The following CNTN5 variants were observed in gnomAD, a reference collection of about 807,000 sequenced individuals.
CNTN5 encodes contactin 5.
Under a neutral mutation model 129.1 loss-of-function variants are expected in CNTN5, and 77 were observed. The ratio of observed to expected loss-of-function variants is 0.60; its 90% CI spans 0.50 to 0.72. The LOEUF is 0.72. CNTN5 is among the 30% of genes least tolerant of loss of function. The pLI, the probability that CNTN5 is intolerant of heterozygous loss-of-function variation, is 0.00. For synonymous variants in CNTN5, 509 were observed against 465.6 expected (o/e 1.09, Z -1.20); for missense variants, 1,478 against 1,328.8 (o/e 1.11, Z -1.75).
Position 99,869,430 on chromosome 11 carries a change from G to A in CNTN5, c.577+24168G>A, listed in dbSNP as rs533521482. Among the ~76,000 whole-genome samples, 16 of 152,154 alleles carry A rather than the reference G, an allele frequency of 1.1e-4. 1 individual carries two copies. The South Asian group carries it at 3.3e-3, about 32-fold the overall frequency. ...CATTTTGAATATATCTTACATTAAA[G>A]AGACCCTAACTTTTGTTTATTTTTA... On this transcript the variant is annotated intron_variant, in intron 6 of 24. Coordinates refer to ENST00000524871, the MANE Select transcript of CNTN5 (RefSeq NM_014361.4).
intron 1 of CNTN5, among the ~76,000 whole-genome samples, chr11:99,233,342 A>G (rs77933957): frequency 0.023 from 3,501 of 152,290 alleles, 137 homozygotes; most frequent in African/African-American, 0.08. Flanking sequence ...TTCCAATTTG[A>G]AACAACAACA....
chr11:99,751,150 A>G (rs1944221407), intron 3 of CNTN5, among the ~76,000 whole-genome samples: 1 of 152,142 alleles, frequency 6.6e-6, no homozygotes, highest in Admixed American at 6.5e-5. Context: ...CAGCCTGACC[A>G]ACATAGTGAA....
chr11:100,154,126 C>G (rs781688812), intron 13 of CNTN5, among the ~76,000 whole-genome samples: 1 of 152,028 alleles, frequency 6.6e-6, no homozygotes, highest in Admixed American at 6.6e-5. Context: ...CCCGAACAAG[C>G]CCCTGTGTGT....
chr11:99,342,047 A>T (rs1040272409), intron 2 of CNTN5, among the ~76,000 whole-genome samples: 1 of 152,216 alleles, frequency 6.6e-6, no homozygotes, highest in Non-Finnish European at 1.5e-5. Flanking sequence ...ATAATAAGCT[A>T]TCTAACATAT....
chr11:99,273,527 G>A (rs1043054087), intron 1 of CNTN5, among the ~76,000 whole-genome samples: 1 of 151,618 alleles, frequency 6.6e-6, no homozygotes, highest in Admixed American at 6.6e-5. Context: ...AAAGCCGATC[G>A]GAATGAGAAA....
chr11:99,453,008 C>T (rs1448581875), intron 2 of CNTN5, among the ~76,000 whole-genome samples: 1 of 152,112 alleles, frequency 6.6e-6, no homozygotes, highest in Non-Finnish European at 1.5e-5. Context: ...AGTGGCAGCA[C>T]CTGGGTTCAA....
chr11:100,304,764 T>A (rs1951309740), intron 20 of CNTN5, among the ~76,000 whole-genome samples: 1 of 151,178 alleles, frequency 6.6e-6, no homozygotes, highest in African/African-American at 2.4e-5. Context: ...TCCCTCCACA[T>A]TTAAGCAGCT....
chr11:99,480,701 T>C (rs1024934306), intron 2 of CNTN5, among the ~76,000 whole-genome samples: 4 of 152,172 alleles, frequency 2.6e-5, no homozygotes, highest in Non-Finnish European at 5.9e-5. Context: ...TTCTAATATG[T>C]ATAGTCATTT....
intron 3 of CNTN5, among the ~76,000 whole-genome samples, chr11:99,591,824 A>G (rs575313393): frequency 6.6e-6 from 1 of 152,332 alleles, no homozygotes; most frequent in Admixed American, 6.5e-5. Context: ...AAACATTTGC[A>G]GGAAAATGCC....
intron 13 of CNTN5, among the ~76,000 whole-genome samples, chr11:100,160,799 T>G (rs1397374397): frequency 6.6e-6 from 1 of 151,878 alleles, no homozygotes; most frequent in African/African-American, 2.4e-5. Flanking sequence ...ATTCAATCTT[T>G]CCATCACTCC....
At chr11:99,572,619 C>A (rs1949210432) in intron 3 of CNTN5, among the ~76,000 whole-genome samples, 1 of 152,062 alleles carries the variant, frequency 6.6e-6, no homozygotes, top group African/African-American at 2.4e-5. Flanking sequence ...TATGTAAAGA[C>A]AATTTTAGCA....
chr11:99,970,054 A>G (rs2084989), intron 8 of CNTN5, among the ~76,000 whole-genome samples: 13,403 of 152,222 alleles, frequency 0.088, 1,139 homozygotes, highest in East Asian at 0.23. Context: ...TTCTGGGTCA[A>G]TTAGACTCCT....
chr11:100,123,456 C>A (rs1946090891), intron 13 of CNTN5, among the ~76,000 whole-genome samples: 1 of 151,892 alleles, frequency 6.6e-6, no homozygotes, highest in African/African-American at 2.4e-5. Flanking sequence ...TAATGTAAAG[C>A]ATTTTAGTTT....
At chr11:99,887,172 C>T (rs1290403133) in intron 6 of CNTN5, among the ~76,000 whole-genome samples, 1 of 152,124 alleles carries the variant, frequency 6.6e-6, no homozygotes, top group Non-Finnish European at 1.5e-5. Flanking sequence ...GGACATGCAT[C>T]TGCACTTTCT....
chr11:99,313,514 A>T (rs1284746246), intron 1 of CNTN5, among the ~76,000 whole-genome samples: 1 of 152,058 alleles, frequency 6.6e-6, no homozygotes, highest in East Asian at 1.9e-4. Context: ...TCACATAGGG[A>T]AAGAGAGGAG....
At chr11:99,586,703 G>T (rs1329350965) in intron 3 of CNTN5, among the ~76,000 whole-genome samples, 1 of 152,134 alleles carries the variant, frequency 6.6e-6, no homozygotes, top group Non-Finnish European at 1.5e-5. Flanking sequence ...TTGTATAGTA[G>T]ATGTCTCTCT....
Position 99,803,625 on chromosome 11 carries a change from A to G in CNTN5, c.56-15919A>G, listed in dbSNP as rs1241784257. Among the ~76,000 whole-genome samples the G allele has an allele frequency of 1.4e-4, 21 of 152,300 alleles. No individual in the cohort carries two copies. In the East Asian group the frequency reaches 1.9e-3, roughly 14 times the overall value. ...ACTGTTTTGGACAAGGGAGAACACT[A>G]TGTTGCTCCTAGATCCTCTCCGTAA... On this transcript the variant is annotated intron_variant, in intron 3 of 24. Coordinates refer to ENST00000524871, the MANE Select transcript of CNTN5 (RefSeq NM_014361.4).
At chr11:99,827,436 G>A (rs899866744) in intron 4 of CNTN5, among the ~76,000 whole-genome samples, 1 of 152,078 alleles carries the variant, frequency 6.6e-6, no homozygotes, top group Non-Finnish European at 1.5e-5. Flanking sequence ...TGTCTTCTGT[G>A]TGTCCTGAAA....
intron 1 of CNTN5, among the ~76,000 whole-genome samples, chr11:99,315,905 T>C (rs1291596826): frequency 1.3e-5 from 2 of 149,796 alleles, no homozygotes; most frequent in Non-Finnish European, 3.0e-5. Flanking sequence ...GACAATAGAA[T>C]GACACAAATT....
Sources: gnomAD v4.1 joint callset for allele counts (sites outside exome capture counted in the v4.1 genomes callset) on GRCh38, gnomAD v4.1.1 for gene constraint, MANE v1.5 for transcripts, NCBI Gene and HGNC (gene_info 2026-07-23, HGNC 2026-07-21) for gene names.